Variants in NHSL2 observed in about 807,000 individuals in gnomAD.
NHSL2 encodes NHS-like protein 2.
Under a neutral mutation model 53.4 loss-of-function variants are expected in NHSL2, and 27 were observed. The observed-to-expected ratio is 0.51, with a 90% CI of 0.37 to 0.70. The LOEUF is 0.70. NHSL2 is among the 30% of genes least tolerant of loss of function. The pLI, the probability that NHSL2 is intolerant of heterozygous loss-of-function variation, is 0.00. For synonymous variants in NHSL2, 408 were observed against 404.1 expected (o/e 1.01, Z -0.12); for missense variants, 892 against 980.1 (o/e 0.91, Z 1.20).
At chrX:71,923,477 G>T (rs770514927) in intron 1 of NHSL2, among the ~76,000 whole-genome samples, 19 of 112,283 alleles carry the variant, frequency 1.7e-4, no homozygotes, top group Admixed American at 1.0e-3. Flanking sequence ...CCTTTGCAGG[G>T]TACCCTTGTA....
intron 1 of NHSL2, among the ~76,000 whole-genome samples, chrX:72,120,304 A>G (rs187347837): frequency 3.2e-4 from 36 of 112,561 alleles, no homozygotes; most frequent in Admixed American, 1.8e-3. Flanking sequence ...GAATTCACCA[A>G]TGAAGTCATT....
chrX:72,068,040 G>C (rs1353195827), intron 1 of NHSL2, among the ~76,000 whole-genome samples: 2 of 111,845 alleles, frequency 1.8e-5, no homozygotes, highest in African/African-American at 6.5e-5. Context: ...CCTCCCCTGG[G>C]AAGGTATCTC....
At chrX:72,106,174 G>A (rs1370981947) in intron 1 of NHSL2, among the ~76,000 whole-genome samples, 2 of 110,136 alleles carry the variant, frequency 1.8e-5, no homozygotes, top group Non-Finnish European at 3.8e-5. Context: ...TCGCGCCACT[G>A]CACTCCAGCC....
intron 1 of NHSL2, chrX:72,131,052 C>T (rs2042289873): frequency 8.3e-7 from 1 of 1,208,331 alleles, no homozygotes. Context: ...GGAATTCAGC[C>T]AGGTAGACTG....
At chrX:71,986,333 G>A (rs763155731) in intron 1 of NHSL2, among the ~76,000 whole-genome samples, 1 of 111,828 alleles carries the variant, frequency 8.9e-6, no homozygotes, top group East Asian at 2.8e-4. Context: ...CCAGGTCACC[G>A]TAAGTCACTC....
chrX:72,014,332 C>G (rs1482751971), intron 1 of NHSL2, among the ~76,000 whole-genome samples: 1 of 111,285 alleles, frequency 9.0e-6, no homozygotes, highest in Non-Finnish European at 1.9e-5. Context: ...TTTGCTTTGG[C>G]TTTATTTTGC....
chrX:71,985,103 A>G (rs1055992953), intron 1 of NHSL2, among the ~76,000 whole-genome samples: 2 of 111,825 alleles, frequency 1.8e-5, no homozygotes, highest in African/African-American at 6.5e-5. Flanking sequence ...GATTACAGGC[A>G]TGAGCCACCG....
At chrX:71,969,393 A>C (rs1484264561) in intron 1 of NHSL2, among the ~76,000 whole-genome samples, 2 of 100,360 alleles carry the variant, frequency 2.0e-5, no homozygotes, top group Admixed American at 2.2e-4. Flanking sequence ...GTTCACTGCA[A>C]CCTCCACCGC....
At chrX:72,035,721 GA>G (rs1466555280) in intron 1 of NHSL2, among the ~76,000 whole-genome samples, 1 of 111,582 alleles carries the variant, frequency 9.0e-6, no homozygotes, top group East Asian at 2.8e-4. Context: ...AAGTGGAAAA[GA>G]AAAAATCTAT....
At chrX:71,987,379 A>C (rs1319682027) in intron 1 of NHSL2, among the ~76,000 whole-genome samples, 1 of 110,822 alleles carries the variant, frequency 9.0e-6, no homozygotes, top group African/African-American at 3.3e-5. Context: ...ATAAAGGCTG[A>C]CTCTTTCCAG....
At chrX:72,111,338 G>A (rs976560229) in intron 1 of NHSL2, among the ~76,000 whole-genome samples, 1 of 112,675 alleles carries the variant, frequency 8.9e-6, no homozygotes, top group Non-Finnish European at 1.9e-5. Flanking sequence ...CACTGTCTGG[G>A]TGTGCAAGTA....
At chrX:71,919,369 A>G (rs2147811402) in intron 1 of NHSL2, among the ~76,000 whole-genome samples, 1 of 111,795 alleles carries the variant, frequency 8.9e-6, no homozygotes, top group Non-Finnish European at 1.9e-5. Context: ...TAATGTATGT[A>G]TTAATGAAAT....
At chrX:71,955,778 C>T (rs2041840189) in intron 1 of NHSL2, among the ~76,000 whole-genome samples, 1 of 108,011 alleles carries the variant, frequency 9.3e-6, no homozygotes, top group East Asian at 2.9e-4. Flanking sequence ...GGGAAGCTTT[C>T]GAATGACTTA....
intron 1 of NHSL2, among the ~76,000 whole-genome samples, chrX:72,116,630 G>A (rs2042140993): frequency 8.9e-6 from 1 of 111,858 alleles, no homozygotes; most frequent in African/African-American, 3.3e-5. Flanking sequence ...CTCCACTCAG[G>A]GGCAGGGGCG....
chrX:72,134,841 C>T, intron 4 of NHSL2, 137 bp downstream of exon 4: 2 of 501,447 alleles, frequency 4.0e-6, no homozygotes, highest in South Asian at 6.7e-5. Flanking sequence ...ACGGTCATGG[C>T]TCTTGCCAGG....
intron 1 of NHSL2, 30 bp from the exon 2 acceptor site, chrX:72,132,049 G>A (rs776704939): frequency 8.6e-7 from 1 of 1,162,899 alleles, no homozygotes; most frequent in South Asian, 1.9e-5. Flanking sequence ...CAGCTCGCCT[G>A]CGCCTCTCAC....
At chrX:72,032,115 G>C (rs898950735) in intron 1 of NHSL2, among the ~76,000 whole-genome samples, 1 of 111,404 alleles carries the variant, frequency 9.0e-6, no homozygotes, top group African/African-American at 3.3e-5. Context: ...AAATAAGCCA[G>C]GCGCGGTGGT....
At position 71,994,295 on chromosome X, in the gene NHSL2, C is replaced by CCT. The variant is rs1173070017; in HGVS notation, c.280+82931_280+82932dup. ...ACTGAGAGATCCCTGAGGGAGGCTC[C>CCT]CTCTGTGTGTGTGTGTGTGTGTGTG... On this transcript the variant is annotated intron_variant, in intron 1 of 7. Coordinates refer to ENST00000633930, the MANE Select transcript of NHSL2 (RefSeq NM_001013627.3). Among the ~76,000 whole-genome samples, 21 of 43,679 alleles carry CCT rather than the reference C, an allele frequency of 4.8e-4. No individual in the cohort carries two copies. The Middle Eastern group carries it at 0.038, about 80-fold the overall frequency. 37.9% of individuals were successfully genotyped at this position (43,679 alleles called of 115,157 possible).
At chrX:72,132,058 A>G in intron 1 of NHSL2, 21 bp from the exon 2 acceptor site, 1 of 1,164,142 alleles carries the variant, frequency 8.6e-7, no homozygotes, top group Non-Finnish European at 1.1e-6. Flanking sequence ...TGCGCCTCTC[A>G]CTGACTCTCT....
Sources: allele counts gnomAD v4.1 joint callset (sites outside exome capture counted in the v4.1 genomes callset), GRCh38; gene constraint gnomAD v4.1.1; transcripts MANE v1.5; gene names NCBI Gene and HGNC (gene_info 2026-07-23, HGNC 2026-07-21).